The following HERPUD2 variants were observed in gnomAD, a reference collection of about 807,000 sequenced individuals.
HERPUD2 encodes the protein homocysteine-responsive endoplasmic reticulum-resident ubiquitin-like domain member 2 protein.
HERPUD2 carries 13 observed loss-of-function variants against 49.9 expected under a neutral mutation model. That is an observed-to-expected ratio of 0.26 (90% confidence interval 0.17 to 0.41). HERPUD2 has a LOEUF of 0.41. Ranked by LOEUF, HERPUD2 falls within the 10% of genes least tolerant of loss-of-function variation. The pLI is 1.00. For synonymous variants in HERPUD2, 172 were observed against 171.4 expected (o/e 1.00, Z -0.03); for missense variants, 449 against 492.2 (o/e 0.91, Z 0.83).
At chr7:35,691,529 A>C (rs1786187076) in intron 2 of HERPUD2, among the ~76,000 whole-genome samples, 1 of 152,160 alleles carries the variant, frequency 6.6e-6, no homozygotes, top group African/African-American at 2.4e-5. Flanking sequence ...TCAACTTTTT[A>C]CTTACTGGGG....
chr7:35,636,738 G>A (rs1784876440), intron 6 of HERPUD2, among the ~76,000 whole-genome samples: 1 of 152,164 alleles, frequency 6.6e-6, no homozygotes, highest in Non-Finnish European at 1.5e-5. Flanking sequence ...GGAAAGGTCT[G>A]GAGGAAGGAC....
In HERPUD2 at chr7:35,635,435, G is replaced by A; in HGVS notation, c.641C>T (p.Ala214Val). Residue 214 changes from alanine to valine, a missense_variant, in exon 7 of 9, where the codon GCC (alanine) becomes GTC (valine). By Grantham distance (64) the Ala-to-Val change is moderately conservative. Coordinates refer to ENST00000311350, the MANE Select transcript of HERPUD2 (RefSeq NM_022373.5). ...CTGGGTTGGGTTGACATTTGATGTGGCCTGAGCTGAAACTGCAGCTTGACT... is the reference window on the plus strand; with the variant it reads ...CTGGGTTGGGTTGACATTTGATGTGACCTGAGCTGAAACTGCAGCTTGACT... ...MQYQAAVSAQ[A>V]TSNVNPTQPT... The A allele has an allele frequency of 6.2e-7, 1 of 1,612,616 alleles. No homozygotes were observed. Among genetic ancestry groups the A allele is most frequent in the South Asian group, 1.1e-5 (1 of 91,058 alleles).
In HERPUD2 at chr7:35,673,094, ATTGATT is replaced by A. The variant is rs1330056015; in HGVS notation, c.225+101_225+106del. 1.2e-4 allele frequency: 91 copies of A among 741,046 alleles called. 4 individuals carry two copies. The South Asian group carries it at 1.6e-3, about 13-fold the overall frequency. 45.9% of individuals were successfully genotyped at this position (741,046 alleles called of 1,614,324 possible). On this transcript the variant is annotated intron_variant, in intron 3 of 8. Transcript: ENST00000311350. ...TTTACTTGTTACACCACGCAAAGGGATTGATTTTAAGTATCTAAAAACTGAACTGGT... is the reference window on the plus strand; with the variant it reads ...TTTACTTGTTACACCACGCAAAGGGATTAAGTATCTAAAAACTGAACTGGT...
At position 35,667,458 on chromosome 7, in the gene HERPUD2, T is replaced by G; in HGVS notation, c.470A>C (p.His157Pro). 6.2e-7 allele frequency: 1 copy of G among 1,613,554 alleles called. No homozygotes were observed. Among genetic ancestry groups the G allele is most frequent in the Non-Finnish European group, 8.5e-7 (1 of 1,179,560 alleles). The change falls in exon 5 of 9, where the codon CAC (histidine) becomes CCC (proline). Residue 157 changes from histidine to proline, a missense_variant. Transcript: ENST00000311350. The part of the protein sequence containing the change: ...PQAQTDQAQS[H>P]QFPYVMQGNV... ...CCCTTGCATTACATATGGAAACTGG[T>G]GACTCTGTGCTTGGTCAGTTTGTGC...
intron 2 of HERPUD2, among the ~76,000 whole-genome samples, chr7:35,676,202 C>G (rs1215528432): frequency 2.0e-5 from 3 of 152,246 alleles, no homozygotes; most frequent in Admixed American, 2.0e-4. Flanking sequence ...AAAAATTTTT[C>G]CCAGGCTATT....
chr7:35,634,173 A>G, intron 8 of HERPUD2, 139 bp downstream of exon 8: 1 of 627,452 alleles, frequency 1.6e-6, no homozygotes, highest in East Asian at 2.7e-5. Context: ...TGAAACCACC[A>G]CAATTTATAT....
chr7:35,668,652 T>C (rs906766614), intron 4 of HERPUD2: 1 of 154,704 alleles, frequency 6.5e-6, no homozygotes, highest in Admixed American at 6.5e-5. Flanking sequence ...CACCAGTCTT[T>C]TGCAAGACTA....
chr7:35,694,612 G>T lies in HERPUD2; in HGVS notation c.-282C>A. ...CGGGCTCCGGACTGTGGAGGCCGTC[G>T]TGAGGAGAAAGGAAGCTATACGAAG... On this transcript the variant is annotated 5_prime_UTR_variant, in exon 2 of 9. Coordinates refer to ENST00000311350, the MANE Select transcript of HERPUD2 (RefSeq NM_022373.5). 4.5e-6 allele frequency: 2 copies of T among 444,868 alleles called. No individual in the cohort carries two copies. The highest frequency in any genetic ancestry group is 4.1e-6 in the Non-Finnish European group (1 of 241,586). 27.6% of individuals were successfully genotyped at this position (444,868 alleles called of 1,614,324 possible). A position where few individuals can be genotyped will look rare whatever the true frequency, so the allele number is the denominator to read the frequency against.
chr7:35,685,367 A>T (rs1253543740), intron 2 of HERPUD2, among the ~76,000 whole-genome samples: 1 of 143,768 alleles, frequency 7.0e-6, no homozygotes, highest in Non-Finnish European at 1.5e-5. Flanking sequence ...TCTGTCACCC[A>T]GGCTGGAGTA....
At chr7:35,692,843 G>C (rs1407501853) in intron 2 of HERPUD2, among the ~76,000 whole-genome samples, 2 of 152,172 alleles carry the variant, frequency 1.3e-5, no homozygotes, top group African/African-American at 4.8e-5. Context: ...TCGTAATATA[G>C]ATCAAGTGTC....
At chr7:35,676,119 G>C (rs1198831531) in intron 2 of HERPUD2, among the ~76,000 whole-genome samples, 1 of 152,122 alleles carries the variant, frequency 6.6e-6, no homozygotes, top group Non-Finnish European at 1.5e-5. Flanking sequence ...ATTTGAATCA[G>C]AATCCAAATA....
chr7:35,666,423 G>A (rs10486674), intron 5 of HERPUD2, among the ~76,000 whole-genome samples: 46,292 of 151,990 alleles, frequency 0.3, 7,945 homozygotes, highest in Non-Finnish European at 0.38. Flanking sequence ...TGTTTATGCC[G>A]TCCTGTTGAG....
At chr7:35,651,497 TAC>T (rs1192934808) in intron 5 of HERPUD2, among the ~76,000 whole-genome samples, 3 of 151,798 alleles carry the variant, frequency 2.0e-5, no homozygotes. Flanking sequence ...ACAAAATTCA[TAC>T]AGAGACTACA....
rs760601390 is a variant in HERPUD2 at position 35,667,498 on chromosome 7, G to A, written c.430C>T (p.Arg144Cys). 16 of 1,613,702 alleles carry A rather than the reference G, an allele frequency of 9.9e-6. No homozygotes were observed. The highest frequency in any genetic ancestry group is 1.3e-5 in the African/African-American group (1 of 74,870). ...TCAGTTTGTGCTTGTGGAAGGGTAC[G>A]CTGCCTCAATCCTTCTGAGGAAGAA... Reference protein sequence around the residue: ...VGSSSEGLRQRTLPQAQTDQA... With the variant: ...VGSSSEGLRQCTLPQAQTDQA... The change falls in exon 5 of 9, where the codon CGT becomes TGT. Residue 144 changes from arginine to cysteine, a missense_variant. By Grantham distance (180) the Arg-to-Cys change is radical. Transcript: ENST00000311350.
intron 5 of HERPUD2, among the ~76,000 whole-genome samples, chr7:35,645,464 A>G (rs1270219058): frequency 6.6e-6 from 1 of 152,090 alleles, no homozygotes; most frequent in African/African-American, 2.4e-5. Context: ...TAAACAAAGA[A>G]TGGGACAGCT....
At chr7:35,673,075 T>G (rs1785677535) in intron 3 of HERPUD2, 126 bp downstream of exon 3, 2 of 632,040 alleles carry the variant, frequency 3.2e-6, no homozygotes, top group Non-Finnish European at 5.5e-6. Flanking sequence ...TATCTTTACT[T>G]GTTACACCAC....
chr7:35,684,550 G>A (rs1785990221), intron 2 of HERPUD2, among the ~76,000 whole-genome samples: 12 of 152,032 alleles, frequency 7.9e-5, no homozygotes, highest in Admixed American at 7.9e-4. Context: ...ATATGTGACG[G>A]ACTACTACTC....
At chr7:35,664,521 G>A (rs1785497559) in intron 5 of HERPUD2, among the ~76,000 whole-genome samples, 1 of 152,136 alleles carries the variant, frequency 6.6e-6, no homozygotes, top group Admixed American at 6.5e-5. Flanking sequence ...TCACTTTCAG[G>A]TACACCAATC....
chr7:35,687,426 A>G (rs1354494353), intron 2 of HERPUD2, among the ~76,000 whole-genome samples: 1 of 152,220 alleles, frequency 6.6e-6, no homozygotes, highest in Non-Finnish European at 1.5e-5. Flanking sequence ...TTCACCCTAA[A>G]TGAAGCCTGG....
Sources: gnomAD v4.1 joint callset for allele counts (sites outside exome capture counted in the v4.1 genomes callset) on GRCh38, gnomAD v4.1.1 for gene constraint, MANE v1.5 for transcripts, NCBI Gene and HGNC (gene_info 2026-07-23, HGNC 2026-07-21) for gene names.